L3MBTL4: variants seen among roughly 807,000 people sequenced by gnomAD.
L3MBTL4 encodes lethal(3)malignant brain tumor-like protein 4.
Under a neutral mutation model 84.5 loss-of-function variants are expected in L3MBTL4, and 70 were observed. That is an observed-to-expected ratio of 0.83 (90% CI 0.68 to 1.01). The LOEUF (loss-of-function observed/expected upper bound fraction) is 1.01, where lower values mean the gene tolerates loss of function less well. Ranked by LOEUF, L3MBTL4 falls within the 50% of genes least tolerant of loss-of-function variation. The probability of loss-of-function intolerance (pLI) is 0.00; values close to 1 mark genes in which losing one functional copy is unlikely to be tolerated. For missense variants in L3MBTL4, 715 were observed against 754.8 expected, an observed-to-expected ratio of 0.95 and a Z score of 0.62; for synonymous variants, 274 against 259.8, an observed-to-expected ratio of 1.05 and a Z score of -0.52.
intron 14 of L3MBTL4, among the ~76,000 whole-genome samples, chr18:6,118,707 T>C (rs1296093246): frequency 6.6e-6 from 1 of 152,230 alleles, no homozygotes; most frequent in Non-Finnish European, 1.5e-5. Context: ...TTCTCTAAAG[T>C]ACCTAGCTAG....
At chr18:6,127,922 A>T (rs1400507818) in intron 14 of L3MBTL4, among the ~76,000 whole-genome samples, 1 of 151,870 alleles carries the variant, frequency 6.6e-6, no homozygotes, top group Non-Finnish European at 1.5e-5. Flanking sequence ...TTGGTGCCTC[A>T]CTCTAAAAAG....
chr18:6,137,817 GA>G lies in L3MBTL4; in HGVS notation c.1199+376del, dbSNP rs771677599. On this transcript the variant is annotated intron_variant, in intron 14 of 18. Transcript: ENST00000317931. ...TAACTCCAAATGAATAAGAAAGACA[GA>G]AAAAGAAATAGAGGCAAGAAATAGA... Among the ~76,000 whole-genome samples the G allele has an allele frequency of 9.2e-5, 14 of 152,102 alleles. No individual in the cohort carries two copies. In the East Asian group the frequency reaches 2.5e-3, roughly 27 times the overall value.
In L3MBTL4 at chr18:6,034,790, C is replaced by T. The variant is rs1428945716; in HGVS notation, c.1444+46091G>A. On this transcript the variant is annotated intron_variant, in intron 16 of 18. Coordinates refer to ENST00000317931, the MANE Select transcript of L3MBTL4 (RefSeq NM_001330559.2). ...CAGTGTAAAAGTGTTCCTATTTCTC[C>T]ACATCCTCTCCAGCACCTGTTGTTT... is the stretch of plus-strand genomic sequence containing the variant. 2.7e-5 allele frequency among the ~76,000 whole-genome samples: 4 copies of T among 150,910 alleles called. No homozygotes were observed. The South Asian group carries it at 6.3e-4, about 24-fold the overall frequency.
At chr18:6,217,065 A>G (rs781605524) in intron 10 of L3MBTL4, among the ~76,000 whole-genome samples, 2 of 152,182 alleles carry the variant, frequency 1.3e-5, no homozygotes, top group Non-Finnish European at 2.9e-5. Context: ...TCAATTCTCT[A>G]AAATAAGTAT....
At chr18:6,385,647 T>C (rs549316402) in intron 1 of L3MBTL4, among the ~76,000 whole-genome samples, 1 of 152,290 alleles carries the variant, frequency 6.6e-6, no homozygotes, top group East Asian at 1.9e-4. Context: ...AATTAATCAT[T>C]CAAAGTTATT....
chr18:6,071,422 A>G (rs1477975953), intron 16 of L3MBTL4, among the ~76,000 whole-genome samples: 2 of 151,600 alleles, frequency 1.3e-5, no homozygotes, highest in African/African-American at 2.4e-5. Flanking sequence ...AGTAGCCCTA[A>G]GTCCAACTTA....
rs2044250669 is a variant in L3MBTL4, at chr18:6,176,964, T to G, written c.982-5022A>C. Among the ~76,000 whole-genome samples the G allele has an allele frequency of 1.3e-5, 2 of 152,190 alleles. 1 individual carries two copies. Among genetic ancestry groups the G allele is most frequent in the South Asian group, 4.1e-4 (2 of 4,826 alleles). ...CGCATACCCACTCGAGTGATTTAAA[T>G]GACAGACAAAATTTCCCAACATCAG... On this transcript the variant is annotated intron_variant, in intron 12 of 18. Coordinates refer to ENST00000317931, the MANE Select transcript of L3MBTL4 (RefSeq NM_001330559.2).
At chr18:6,159,309 C>T (rs1247405360) in intron 13 of L3MBTL4, among the ~76,000 whole-genome samples, 1 of 152,142 alleles carries the variant, frequency 6.6e-6, no homozygotes, top group East Asian at 1.9e-4. Context: ...TATAAAAGTG[C>T]ATATTGCAGG....
At chr18:6,209,136 C>A (rs2045993049) in intron 12 of L3MBTL4, among the ~76,000 whole-genome samples, 1 of 152,060 alleles carries the variant, frequency 6.6e-6, no homozygotes, top group Non-Finnish European at 1.5e-5. Flanking sequence ...TCTTTGAAAT[C>A]TTCATCAAAT....
intron 16 of L3MBTL4, among the ~76,000 whole-genome samples, chr18:6,022,695 G>A (rs553296324): frequency 5.9e-5 from 9 of 152,302 alleles, no homozygotes; most frequent in East Asian, 1.9e-4. Context: ...GTTGATTTGA[G>A]AAAATTAAGG....
chr18:6,243,543 C>G, intron 6 of L3MBTL4, 114 bp from the exon 7 acceptor site: 1 of 759,372 alleles, frequency 1.3e-6, no homozygotes, highest in Non-Finnish European at 1.9e-6. Context: ...AAGAGCCAAC[C>G]CTTCTATCCA....
intron 16 of L3MBTL4, among the ~76,000 whole-genome samples, chr18:5,974,808 G>T (rs2052821078): frequency 6.6e-6 from 1 of 151,978 alleles, no homozygotes; most frequent in South Asian, 2.1e-4. Flanking sequence ...CTACAAAAAA[G>T]AAAAAATTAG....
At chr18:6,135,885 T>C (rs1433202678) in intron 14 of L3MBTL4, among the ~76,000 whole-genome samples, 2 of 152,232 alleles carry the variant, frequency 1.3e-5, no homozygotes, top group Admixed American at 6.5e-5. Flanking sequence ...ATGGTACCAA[T>C]TGTACTGTAT....
chr18:6,329,499 G>T (rs2051913468), intron 1 of L3MBTL4, among the ~76,000 whole-genome samples: 1 of 152,094 alleles, frequency 6.6e-6, no homozygotes, highest in Admixed American at 6.6e-5. Flanking sequence ...CAGAGTATTT[G>T]TCTTTGTCCA....
intron 1 of L3MBTL4, among the ~76,000 whole-genome samples, chr18:6,329,715 C>A (rs904879372): frequency 1.3e-5 from 2 of 152,096 alleles, no homozygotes; most frequent in Non-Finnish European, 2.9e-5. Context: ...CTCATGTCTC[C>A]TTCCTCTTCT....
At chr18:6,057,618 T>C (rs181533997) in intron 16 of L3MBTL4, among the ~76,000 whole-genome samples, 1 of 151,508 alleles carries the variant, frequency 6.6e-6, no homozygotes, top group African/African-American at 2.4e-5. Flanking sequence ...AACTTGGCAG[T>C]CAAAATGTGA....
At chr18:6,271,134 G>A (rs1476578849) in intron 4 of L3MBTL4, among the ~76,000 whole-genome samples, 1 of 152,098 alleles carries the variant, frequency 6.6e-6, no homozygotes, top group East Asian at 1.9e-4. Context: ...TTTGTTTTTC[G>A]TTTGTTTTTG....
chr18:6,369,577 C>T (rs1051307899), intron 1 of L3MBTL4, among the ~76,000 whole-genome samples: 4 of 152,102 alleles, frequency 2.6e-5, no homozygotes, highest in African/African-American at 4.8e-5. Flanking sequence ...CTCAGATACA[C>T]GGAAGGCAAT....
chr18:6,231,541 C>T (rs914376937), intron 10 of L3MBTL4, among the ~76,000 whole-genome samples: 4 of 151,682 alleles, frequency 2.6e-5, no homozygotes, highest in Admixed American at 6.6e-5. Flanking sequence ...TTCTAATACA[C>T]GAACATGGCT....
Sources: gnomAD v4.1 joint callset for allele counts (sites outside exome capture counted in the v4.1 genomes callset) on GRCh38, gnomAD v4.1.1 for gene constraint, MANE v1.5 for transcripts, NCBI Gene and HGNC (gene_info 2026-07-23, HGNC 2026-07-21) for gene names.